The following CPQ variants were observed in gnomAD, a reference collection of about 807,000 sequenced individuals.
CPQ encodes the protein Ser-Met dipeptidase.
A neutral mutation model predicts 45.7 loss-of-function variants in CPQ; 37 were observed. The observed-to-expected ratio is 0.81, with a 90% confidence interval of 0.62 to 1.07. CPQ has a LOEUF of 1.07. CPQ is among the 50% of genes least tolerant of loss of function. The probability of loss-of-function intolerance (pLI) is 0.00; values close to 1 mark genes in which losing one functional copy is unlikely to be tolerated. For synonymous variants in CPQ, 186 were observed against 205.8 expected, an observed-to-expected ratio of 0.90 and a Z score of 0.82; for missense variants, 537 against 572.9, an observed-to-expected ratio of 0.94 and a Z score of 0.64.
chr8:96,777,738 ATATATATATATATATATATATATTTTT>A (rs1810626061), intron 1 of CPQ, among the ~76,000 whole-genome samples: 1 of 6,066 alleles, frequency 1.6e-4, no homozygotes, highest in Admixed American at 2.8e-3. Flanking sequence ...ATATATATAT[ATATATATATATATATATATATATTTTT>A]TTTTTTTTTT....
At chr8:96,683,467 G>T (rs1158637018) in intron 1 of CPQ, among the ~76,000 whole-genome samples, 1 of 151,782 alleles carries the variant, frequency 6.6e-6, no homozygotes, top group East Asian at 1.9e-4. Flanking sequence ...TTTGTCTTTG[G>T]CTTTTGGCAG....
At position 96,832,734 on chromosome 8, in the gene CPQ, G is replaced by T. The variant is rs190921958; in HGVS notation, c.434-2239G>T. On this transcript the variant is annotated intron_variant, in intron 2 of 7. Coordinates refer to ENST00000220763, the MANE Select transcript of CPQ (RefSeq NM_016134.4). ...TGGTCACATGATGAAGGTGGGAAAA[G>T]GTGTCTGTATAGGTAGGTGTCTATA... 2.1e-3 allele frequency among the ~76,000 whole-genome samples: 317 copies of T among 152,246 alleles called. 2 individuals are homozygous for T. The highest frequency in any genetic ancestry group is 7.4e-3 in the African/African-American group (308 of 41,544).
chr8:96,740,395 A>C (rs1183534825), intron 1 of CPQ, among the ~76,000 whole-genome samples: 2 of 152,114 alleles, frequency 1.3e-5, no homozygotes, highest in African/African-American at 4.8e-5. Flanking sequence ...ATATACAATC[A>C]TGTCATCTGC....
intron 1 of CPQ, among the ~76,000 whole-genome samples, chr8:96,761,890 A>T (rs1023442464): frequency 2.6e-5 from 4 of 152,180 alleles, no homozygotes; most frequent in Non-Finnish European, 2.9e-5. Context: ...CCATTTTGCC[A>T]TTCTGTCTCC....
chr8:97,129,403 C>T (rs970867736), intron 7 of CPQ, among the ~76,000 whole-genome samples: 1 of 152,094 alleles, frequency 6.6e-6, no homozygotes, highest in African/African-American at 2.4e-5. Context: ...AAAGTTTACT[C>T]ATCTGTAAAA....
rs774599864 is a variant in CPQ, at chr8:96,879,863, T to A, written c.707T>A (p.Val236Glu). 1.9e-6 allele frequency: 3 copies of A among 1,613,848 alleles called. No homozygotes were observed. The African/African-American group carries it at 4.0e-5, about 22-fold the overall frequency. The change falls in exon 4 of 8, where the codon GTG (valine) becomes GAG (glutamate). Residue 236 changes from valine (V) to glutamate (E), a missense_variant. Coordinates refer to ENST00000220763, the MANE Select transcript of CPQ (RefSeq NM_016134.4). Reference protein sequence around the residue: ...VPKIPTACITVEDAEMMSRMA... With the variant: ...VPKIPTACITEEDAEMMSRMA... ...AAGATTCCAACAGCCTGTATTACGG[T>A]GGAAGATGCAGAAATGATGTCAAGA...
intron 3 of CPQ, among the ~76,000 whole-genome samples, chr8:96,855,391 G>T (rs1811832656): frequency 6.6e-6 from 1 of 152,120 alleles, no homozygotes; most frequent in Admixed American, 6.5e-5. Flanking sequence ...ATCAGATCAT[G>T]AACCCAGGGG....
intron 6 of CPQ, among the ~76,000 whole-genome samples, chr8:97,039,102 C>G (rs1048261524): frequency 2.6e-5 from 4 of 152,164 alleles, no homozygotes; most frequent in Non-Finnish European, 5.9e-5. Flanking sequence ...CAGAGGCCAA[C>G]AGAACACACC....
chr8:96,969,262 G>A (rs377059992), intron 5 of CPQ, among the ~76,000 whole-genome samples: 21 of 152,332 alleles, frequency 1.4e-4, no homozygotes, highest in African/African-American at 5.1e-4. Context: ...GAGCTTGAAA[G>A]TCTATGTCTT....
At chr8:96,968,570 T>C (rs1403282062) in intron 5 of CPQ, among the ~76,000 whole-genome samples, 3 of 152,248 alleles carry the variant, frequency 2.0e-5, no homozygotes, top group African/African-American at 7.2e-5. Flanking sequence ...TGGTAAAATG[T>C]GAAAGCTCTG....
chr8:96,962,372 A>G (rs76131358), intron 4 of CPQ, among the ~76,000 whole-genome samples: 83 of 152,318 alleles, frequency 5.4e-4, no homozygotes, highest in African/African-American at 1.8e-3. Flanking sequence ...CAGTGCCTTG[A>G]GTGCCTCAGG....
At chr8:96,706,716 A>G (rs1431790414) in intron 1 of CPQ, among the ~76,000 whole-genome samples, 1 of 152,212 alleles carries the variant, frequency 6.6e-6, no homozygotes, top group Non-Finnish European at 1.5e-5. Context: ...CGGTTTCATT[A>G]TATCAGTACT....
At chr8:96,974,100 C>T (rs1261900248) in intron 5 of CPQ, among the ~76,000 whole-genome samples, 1 of 152,146 alleles carries the variant, frequency 6.6e-6, no homozygotes, top group Non-Finnish European at 1.5e-5. Flanking sequence ...AATGCACCAA[C>T]CAAGTTTCTG....
At chr8:96,717,029 ATATAT>A (rs1809685568) in intron 1 of CPQ, among the ~76,000 whole-genome samples, 4 of 12,804 alleles carry the variant, frequency 3.1e-4, no homozygotes, top group South Asian at 4.3e-3. Context: ...ATATAAATAT[ATATAT>A]ATATATATAT....
At chr8:96,931,722 C>T (rs764899111) in intron 4 of CPQ, among the ~76,000 whole-genome samples, 5 of 152,046 alleles carry the variant, frequency 3.3e-5, no homozygotes, top group African/African-American at 4.8e-5. Context: ...TCTCAGACTT[C>T]GAGACTATTG....
At chr8:96,675,534 C>T (rs1809066561) in intron 1 of CPQ, among the ~76,000 whole-genome samples, 2 of 152,040 alleles carry the variant, frequency 1.3e-5, no homozygotes, top group African/African-American at 4.8e-5. Context: ...ACACAACATC[C>T]TCGTGCACAG....
intron 7 of CPQ, among the ~76,000 whole-genome samples, chr8:97,080,638 C>G (rs1810930030): frequency 6.6e-6 from 1 of 152,124 alleles, no homozygotes; most frequent in Non-Finnish European, 1.5e-5. Flanking sequence ...TTACATATCC[C>G]CCTCATGGGG....
chr8:96,654,434 C>A (rs1010039624), intron 1 of CPQ, among the ~76,000 whole-genome samples: 1 of 152,116 alleles, frequency 6.6e-6, no homozygotes, highest in Non-Finnish European at 1.5e-5. Flanking sequence ...ATGGGGTAAT[C>A]CTTCTAGGCT....
chr8:96,701,920 C>T lies in CPQ; in HGVS notation c.-35+56518C>T, dbSNP rs534132784. Among the ~76,000 whole-genome samples, 8 of 152,186 alleles carry T rather than the reference C, an allele frequency of 5.3e-5. No homozygotes were observed. In the South Asian group the frequency reaches 1.2e-3, roughly 24 times the overall value. ...ACTAATTGGCTCTGACCCTAACTTT[C>T]CATATTCTCCAGCTTGGAGATGCCT... is the stretch of plus-strand genomic sequence containing the variant. On this transcript the variant is annotated intron_variant, in intron 1 of 7. Transcript: ENST00000220763.
Sources: allele counts gnomAD v4.1 joint callset (sites outside exome capture counted in the v4.1 genomes callset), GRCh38; gene constraint gnomAD v4.1.1; transcripts MANE v1.5; gene names NCBI Gene and HGNC (gene_info 2026-07-23, HGNC 2026-07-21).